MGAT4C: variants seen among roughly 807,000 people sequenced by gnomAD.
MGAT4C encodes the protein alpha-1,3-mannosyl-glycoprotein 4-beta-N-acetylglucosaminyltransferase C.
In MGAT4C, 19 loss-of-function variants were observed where a neutral mutation model predicts 40.1. The ratio of observed to expected loss-of-function variants is 0.47; its 90% CI spans 0.33 to 0.70. The LOEUF (loss-of-function observed/expected upper bound fraction) is 0.70, where lower values mean the gene tolerates loss of function less well. Ranked by LOEUF, MGAT4C falls within the 30% of genes least tolerant of loss-of-function variation. The probability of loss-of-function intolerance (pLI) is 0.02; values close to 1 mark genes in which losing one functional copy is unlikely to be tolerated. For missense variants in MGAT4C, 491 were observed against 563.2 expected, an observed-to-expected ratio of 0.87 and a Z score of 1.30; for synonymous variants, 181 against 187.1, an observed-to-expected ratio of 0.97 and a Z score of 0.27.
intron 1 of MGAT4C, among the ~76,000 whole-genome samples, chr12:86,186,144 C>A (rs1271276437): frequency 6.6e-6 from 1 of 152,118 alleles, no homozygotes; most frequent in Non-Finnish European, 1.5e-5. Flanking sequence ...ATAGACTAAT[C>A]AGCCTCACAC....
intron 4 of MGAT4C, among the ~76,000 whole-genome samples, chr12:86,293,075 GAA>G (rs1953566489): frequency 6.6e-6 from 1 of 152,236 alleles, no homozygotes; most frequent in East Asian, 1.9e-4. Flanking sequence ...GACCCCTGGT[GAA>G]TAAGATTTCT....
At chr12:86,572,903 A>C (rs1960423982) in intron 2 of MGAT4C, among the ~76,000 whole-genome samples, 1 of 151,964 alleles carries the variant, frequency 6.6e-6, no homozygotes, top group Admixed American at 6.6e-5. Context: ...AGAATAGCGG[A>C]CACCTTGAGG....
chr12:86,660,033 G>GTCATGATA (rs149242893), intron 2 of MGAT4C, among the ~76,000 whole-genome samples: 7,228 of 151,812 alleles, frequency 0.048, 552 homozygotes, highest in African/African-American at 0.16. Context: ...ACAGCTTGAA[G>GTCATGATA]TCATGATAAC....
intron 2 of MGAT4C, among the ~76,000 whole-genome samples, chr12:86,041,466 G>T (rs991007603): frequency 2.0e-5 from 3 of 152,196 alleles, no homozygotes; most frequent in South Asian, 4.2e-4. Context: ...AGCACCATAA[G>T]TTTCCCTCTT....
At chr12:86,694,503 T>G in intron 2 of MGAT4C, among the ~76,000 whole-genome samples, 1 of 152,312 alleles carries the variant, frequency 6.6e-6, no homozygotes, top group Admixed American at 6.5e-5. Context: ...ATTGCAGAAT[T>G]AGTACATTAC....
chr12:86,307,193 A>T (rs1953953689), intron 4 of MGAT4C, among the ~76,000 whole-genome samples: 1 of 126,586 alleles, frequency 7.9e-6, no homozygotes, highest in African/African-American at 3.0e-5. Flanking sequence ...GGTTCTGCTA[A>T]ATGTCTGTAT....
chr12:86,187,055 T>C (rs749194415), intron 1 of MGAT4C, among the ~76,000 whole-genome samples: 3 of 152,104 alleles, frequency 2.0e-5, no homozygotes, highest in African/African-American at 4.8e-5. Context: ...TCAAAGTGTA[T>C]AGGCATGCAC....
intron 2 of MGAT4C, among the ~76,000 whole-genome samples, chr12:86,520,768 A>G (rs1342096941): frequency 6.6e-6 from 1 of 152,074 alleles, no homozygotes. Flanking sequence ...ATTAATAGCC[A>G]TTCTGACTGG....
At chr12:86,214,233 C>A (rs1950586664) in intron 1 of MGAT4C, among the ~76,000 whole-genome samples, 1 of 152,044 alleles carries the variant, frequency 6.6e-6, no homozygotes, top group African/African-American at 2.4e-5. Context: ...CTGCATAGAC[C>A]CCTTTTCTTC....
At chr12:86,523,712 A>G (rs1958834023) in intron 2 of MGAT4C, among the ~76,000 whole-genome samples, 1 of 152,116 alleles carries the variant, frequency 6.6e-6, no homozygotes, top group Non-Finnish European at 1.5e-5. Context: ...ATTATTGTGC[A>G]GGAGTTTAAG....
chr12:86,375,606 T>C (rs1955809360), intron 3 of MGAT4C, among the ~76,000 whole-genome samples: 1 of 152,092 alleles, frequency 6.6e-6, no homozygotes, highest in Non-Finnish European at 1.5e-5. Context: ...TACATCATTT[T>C]AGGTACTTTA....
At chr12:86,638,260 T>C (rs905664362) in intron 2 of MGAT4C, among the ~76,000 whole-genome samples, 7 of 151,924 alleles carry the variant, frequency 4.6e-5, no homozygotes, top group African/African-American at 1.7e-4. Flanking sequence ...TCAATTTAAT[T>C]GCTTTTGAGG....
intron 3 of MGAT4C, among the ~76,000 whole-genome samples, chr12:86,343,430 T>C (rs1954944241): frequency 6.6e-6 from 1 of 152,194 alleles, no homozygotes; most frequent in Admixed American, 6.5e-5. Flanking sequence ...TTTTTAGTTA[T>C]TTGAGCATAT....
chr12:86,295,152 C>T (rs138762352), intron 4 of MGAT4C, among the ~76,000 whole-genome samples: 1 of 151,984 alleles, frequency 6.6e-6, no homozygotes, highest in African/African-American at 2.4e-5. Flanking sequence ...TATTTTAGTT[C>T]TCTGAAAAAT....
At chr12:86,220,842 A>C (rs534177066) in intron 1 of MGAT4C, among the ~76,000 whole-genome samples, 1 of 152,282 alleles carries the variant, frequency 6.6e-6, no homozygotes, top group Admixed American at 6.5e-5. Context: ...GCAGGTAATA[A>C]ATAACTCTGC....
chr12:86,814,077 A>G (rs1323484806), intron 1 of MGAT4C, among the ~76,000 whole-genome samples: 1 of 151,374 alleles, frequency 6.6e-6, no homozygotes, highest in Admixed American at 6.6e-5. Context: ...CGCCTGGCAA[A>G]TTTTTTTGTA....
rs1883012032 is a variant in MGAT4C, at chr12:85,959,754, A to T, written c.*19535T>A. The stretch of plus-strand genomic sequence containing the variant: ...CTTGCTGAAATCGAGATCAATATTC[A>T]TTGTTTTCTTCTGGGTTAACTCTTT... On this transcript the variant is annotated 3_prime_UTR_variant, in exon 5 of 5. Coordinates refer to ENST00000611864, the MANE Select transcript of MGAT4C (RefSeq NM_001351288.2). 1 of 140,806 alleles carries T rather than the reference A, an allele frequency of 7.1e-6. No homozygotes were observed. The allele number at this position is 140,806 out of a possible 1,614,324, so 8.7% of individuals were successfully genotyped here.
intron 3 of MGAT4C, among the ~76,000 whole-genome samples, chr12:86,354,950 G>C (rs1192398988): frequency 6.6e-6 from 1 of 152,158 alleles, no homozygotes; most frequent in Non-Finnish European, 1.5e-5. Context: ...AGAACCCAAG[G>C]GGGGTGCCAC....
chr12:86,762,153 G>T (rs1385244537), intron 1 of MGAT4C, among the ~76,000 whole-genome samples: 1 of 151,758 alleles, frequency 6.6e-6, no homozygotes, highest in Admixed American at 6.6e-5. Context: ...CTGGACTTAA[G>T]CATTCCTCCC....
Sources: allele counts gnomAD v4.1 joint callset (sites outside exome capture counted in the v4.1 genomes callset), GRCh38; gene constraint gnomAD v4.1.1; transcripts MANE v1.5; gene names NCBI Gene and HGNC (gene_info 2026-07-23, HGNC 2026-07-21).